The following SANBR variants were observed in gnomAD, a reference collection of about 807,000 sequenced individuals.
SANBR encodes SANT and BTB domain regulator of class switch recombination.
Under a neutral mutation model 101.8 loss-of-function variants are expected in SANBR, and 77 were observed. That is an observed-to-expected ratio of 0.76 (90% CI 0.63 to 0.91). The LOEUF is 0.91. Among genes scored for constraint, SANBR ranks in the 40% least tolerant of loss-of-function variants. The pLI, the probability that SANBR is intolerant of heterozygous loss-of-function variation, is 0.00. For synonymous variants in SANBR, 279 were observed against 274.7 expected (o/e 1.02, Z -0.15); for missense variants, 875 against 853.0 (o/e 1.03, Z -0.32).
chr2:61,104,095 G>T, intron 13 of SANBR, 97 bp downstream of exon 13: 1 of 1,074,862 alleles, frequency 9.3e-7, no homozygotes, highest in Non-Finnish European at 1.4e-6. Flanking sequence ...CAGTCCTCAA[G>T]TAGTTTTCAT....
At chr2:61,102,045 TA>T (rs1268694782) in intron 12 of SANBR, among the ~76,000 whole-genome samples, 1 of 150,692 alleles carries the variant, frequency 6.6e-6, no homozygotes, top group Non-Finnish European at 1.5e-5. Flanking sequence ...AAAACCAAAA[TA>T]GATATATAAT....
chr2:61,122,183 A>T lies in SANBR; in HGVS notation c.*21A>T. ...CATAAAGTACCTTAAAATATAAGTAAAAAGAGAGAAGGCACTCTTCTGGAC... is the reference window on the plus strand; with the variant it reads ...CATAAAGTACCTTAAAATATAAGTATAAAGAGAGAAGGCACTCTTCTGGAC... On this transcript the variant is annotated 3_prime_UTR_variant, in exon 22 of 22. Transcript: ENST00000402291. 1 of 1,548,200 alleles carries T rather than the reference A, an allele frequency of 6.5e-7. No individual in the cohort carries two copies. The highest frequency in any genetic ancestry group is 8.7e-7 in the Non-Finnish European group (1 of 1,145,088).
In SANBR at chr2:61,070,336, C is replaced by T. The variant is rs751459723; in HGVS notation, c.-9-6C>T. On this transcript the variant is annotated splice_polypyrimidine_tract_variant and splice_region_variant and intron_variant, in intron 2 of 21. Coordinates refer to ENST00000402291, the MANE Select transcript of SANBR (RefSeq NM_001129993.3). ...AAATAAAGCTTTTTGTCTTCCCTAT[C>T]CCTAGTTCCAAAAGATGAGTCGTGG... The T allele has an allele frequency of 8.3e-6, 13 of 1,560,904 alleles. 1 individual carries two copies. In the South Asian group the frequency reaches 1.4e-4, roughly 16 times the overall value.
intron 20 of SANBR, among the ~76,000 whole-genome samples, chr2:61,131,036 A>G (rs1684674964): frequency 6.6e-6 from 1 of 151,812 alleles, no homozygotes; most frequent in South Asian, 2.1e-4. Flanking sequence ...AACATTAACA[A>G]CATAGAAGGG....
chr2:61,123,461 G>C lies in SANBR; in HGVS notation c.*1299G>C. The C allele has an allele frequency of 1.0e-6, 1 of 982,010 alleles. No homozygotes were observed. The highest frequency in any genetic ancestry group is 1.2e-6 in the Non-Finnish European group (1 of 826,778). 60.8% of individuals were successfully genotyped at this position (982,010 alleles called of 1,614,324 possible). ...GCTTTGCCAAGGTTTTTGAACTGCT[G>C]TTTAGAAATTTTGTTCCCATTTATA... On this transcript the variant is annotated 3_prime_UTR_variant, in exon 22 of 22. Coordinates refer to ENST00000402291, the MANE Select transcript of SANBR (RefSeq NM_001129993.3).
At chr2:61,082,093 A>G (rs1237909191) in intron 7 of SANBR, among the ~76,000 whole-genome samples, 11 of 152,010 alleles carry the variant, frequency 7.2e-5, no homozygotes, top group African/African-American at 2.7e-4. Flanking sequence ...GCTGGTCTCA[A>G]ACTCCTGGGC....
At position 61,111,498 on chromosome 2, in the gene SANBR, T is replaced by C. The variant is rs1215494463; in HGVS notation, c.1744+2202T>C. 7.2e-5 allele frequency among the ~76,000 whole-genome samples: 11 copies of C among 152,372 alleles called. 1 individual carries two copies. Among genetic ancestry groups the C allele is most frequent in the Admixed American group, 3.9e-4 (6 of 15,310 alleles). On this transcript the variant is annotated intron_variant, in intron 16 of 21. Transcript: ENST00000402291. The stretch of plus-strand genomic sequence containing the variant: ...TCCTCCAATGAAAAAGCTGGTTCTT[T>C]AGCAATTTTGTGTCCATTTTAATTA...
chr2:61,103,255 G>C (rs1279716139), intron 12 of SANBR, among the ~76,000 whole-genome samples: 2 of 151,132 alleles, frequency 1.3e-5, no homozygotes, highest in Non-Finnish European at 2.9e-5. Flanking sequence ...TCCCACCTCA[G>C]CTTCCTGAGG....
chr2:61,114,841 G>A (rs1304985678), intron 16 of SANBR, among the ~76,000 whole-genome samples: 1 of 152,040 alleles, frequency 6.6e-6, no homozygotes, highest in Non-Finnish European at 1.5e-5. Flanking sequence ...ATTTTTTGTA[G>A]AGACAAGGTC....
At chr2:61,117,577 G>A (rs1367840861) in intron 19 of SANBR, 37 bp downstream of exon 19, 22 of 1,496,188 alleles carry the variant, frequency 1.5e-5, no homozygotes, top group Non-Finnish European at 2.0e-5. Flanking sequence ...CAAATTGGAT[G>A]TAAATAGCAA....
chr2:61,088,187 C>G lies in SANBR; in HGVS notation c.919C>G (p.Leu307Val). The change falls in exon 9 of 22, where the codon CTG (leucine) becomes GTG (valine). Residue 307 changes from leucine (L) to valine (V), a missense_variant. Transcript: ENST00000402291. ...ACTTTTTTGTAAGAAGATTGAAAGA[C>G]TGTTTGATCCTGAGTACTTGAATCC... ...SKLFCKKIERLFDPEYLNPDS... is the reference protein window; with the variant it reads ...SKLFCKKIERVFDPEYLNPDS... 1 of 1,605,576 alleles carries G rather than the reference C, an allele frequency of 6.2e-7. No individual in the cohort carries two copies. Among genetic ancestry groups the G allele is most frequent in the South Asian group, 1.1e-5 (1 of 88,756 alleles).
At chr2:61,089,103 T>C (rs931070171) in intron 10 of SANBR, 4 of 982,286 alleles carry the variant, frequency 4.1e-6, no homozygotes, top group East Asian at 1.1e-4. Flanking sequence ...ACAAATGTTA[T>C]ATTGAATTTT....
intron 6 of SANBR, among the ~76,000 whole-genome samples, chr2:61,079,259 G>T (rs73932680): frequency 0.063 from 9,583 of 152,052 alleles, 1,044 homozygotes; most frequent in African/African-American, 0.22. Context: ...TCAAGAGCCA[G>T]TGTTCTAAAT....
At position 61,070,292 on chromosome 2, in the gene SANBR, A is replaced by T. The variant is rs1258020282; in HGVS notation, c.-9-50A>T. ...ATAACTGATCTGTAATGTTCTGAAA[A>T]CATTTGGATTTCGGGTTTAAATAAA... On this transcript the variant is annotated intron_variant, in intron 2 of 21. Transcript: ENST00000402291. The T allele has an allele frequency of 2.2e-6, 3 of 1,362,532 alleles. No individual in the cohort carries two copies. The Admixed American group carries it at 7.7e-5, about 35-fold the overall frequency. 84.4% of individuals were successfully genotyped at this position (1,362,532 alleles called of 1,614,324 possible).
chr2:61,134,728 C>T (rs181543984), intron 21 of SANBR, among the ~76,000 whole-genome samples: 26 of 152,014 alleles, frequency 1.7e-4, no homozygotes, highest in Non-Finnish European at 2.8e-4. Context: ...CCCGTCTCTA[C>T]TAAAAATACA....
intron 16 of SANBR, among the ~76,000 whole-genome samples, chr2:61,110,985 T>C (rs1683803147): frequency 6.6e-6 from 1 of 152,182 alleles, no homozygotes; most frequent in Non-Finnish European, 1.5e-5. Flanking sequence ...AACCTGAAAG[T>C]TAACATGTAA....
intron 11 of SANBR, among the ~76,000 whole-genome samples, chr2:61,096,177 G>A (rs985555698): frequency 1.3e-5 from 2 of 151,978 alleles, no homozygotes; most frequent in African/African-American, 4.8e-5. Flanking sequence ...AGATAAAATG[G>A]TTTTACCTTC....
chr2:61,134,720 C>T (rs913713785), intron 21 of SANBR, among the ~76,000 whole-genome samples: 2 of 151,858 alleles, frequency 1.3e-5, no homozygotes, highest in South Asian at 2.1e-4. Flanking sequence ...GTGAAACCCC[C>T]GTCTCTACTA....
At chr2:61,120,825 C>CT (rs1480642613) in intron 20 of SANBR, among the ~76,000 whole-genome samples, 5 of 152,140 alleles carry the variant, frequency 3.3e-5, no homozygotes, top group African/African-American at 4.8e-5. Context: ...TATGATTCTA[C>CT]TTATATAATG....
Sources: allele counts gnomAD v4.1 joint callset (sites outside exome capture counted in the v4.1 genomes callset), GRCh38; gene constraint gnomAD v4.1.1; transcripts MANE v1.5; gene names NCBI Gene and HGNC (gene_info 2026-07-23, HGNC 2026-07-21).